CLEC1A: variants seen among roughly 807,000 people sequenced by gnomAD.
The protein encoded by CLEC1A is C-type lectin domain family 1 member A, also known as C-type lectin-like receptor-1.
In CLEC1A, 34 loss-of-function variants were observed where a neutral mutation model predicts 28.7. That is an observed-to-expected ratio of 1.18 (90% CI 0.90 to 1.57). The LOEUF is 1.57. Among genes scored for constraint, CLEC1A ranks in the 40% most tolerant of loss-of-function variants. CLEC1A has a pLI of 0.00. For missense variants in CLEC1A, 385 were observed against 339.5 expected (o/e 1.13, Z -1.05); for synonymous variants, 116 against 121.0 (o/e 0.96, Z 0.27).
chr12:10,074,451 G>T (rs1866208018), intron 4 of CLEC1A, among the ~76,000 whole-genome samples: 1 of 152,034 alleles, frequency 6.6e-6, no homozygotes, highest in African/African-American at 2.4e-5. Flanking sequence ...ATATGAAAAA[G>T]ATTTAAATAT....
chr12:10,096,127 C>T (rs1591924684), intron 1 of CLEC1A, among the ~76,000 whole-genome samples: 3 of 152,234 alleles, frequency 2.0e-5, no homozygotes, highest in Admixed American at 6.5e-5. Flanking sequence ...GTCTATGTAG[C>T]CCAACCCACA....
rs184095934 is a variant in CLEC1A, at chr12:10,078,243, G to T, written c.392-2588C>A. ...AAAACCCCATAATTAATCCTCATCT[G>T]CTCAAAATAGTAGCCAAATCTCTCA... On this transcript the variant is annotated intron_variant, in intron 3 of 5. Coordinates refer to ENST00000315330, the MANE Select transcript of CLEC1A (RefSeq NM_016511.4). 2.6e-3 allele frequency among the ~76,000 whole-genome samples: 390 copies of T among 152,180 alleles called. 2 individuals carry two copies. The highest frequency in any genetic ancestry group is 4.1e-3 in the Non-Finnish European group (281 of 68,010).
At position 10,096,009 on chromosome 12, in the gene CLEC1A, A is replaced by C. The variant is rs374624895; in HGVS notation, c.115+2799T>G. On this transcript the variant is annotated intron_variant, in intron 1 of 5. Coordinates refer to ENST00000315330, the MANE Select transcript of CLEC1A (RefSeq NM_016511.4). ...TCATTTTACATTCCTTCCCTCAGTG[A>C]TCTCACTCACTCTCATACATTTTAG... is the stretch of plus-strand genomic sequence containing the variant. Among the ~76,000 whole-genome samples the C allele has an allele frequency of 7.8e-4, 118 of 151,776 alleles. 1 individual carries two copies. The South Asian group carries it at 0.025, about 32-fold the overall frequency.
At position 10,086,505 on chromosome 12, in the gene CLEC1A, C is replaced by T. The variant is rs531435964; in HGVS notation, c.214+2619G>A. The stretch of plus-strand genomic sequence containing the variant: ...CAAATAACCTCAATTACAAATGAAA[C>T]GGGAGATGTTCCAACTGATGCCACA... On this transcript the variant is annotated intron_variant, in intron 2 of 5. Transcript: ENST00000315330. Among the ~76,000 whole-genome samples, 7 of 151,926 alleles carry T rather than the reference C, an allele frequency of 4.6e-5. No homozygotes were observed. In the South Asian group the frequency reaches 6.2e-4, roughly 14 times the overall value.
At chr12:10,085,946 G>A (rs1395452992) in intron 2 of CLEC1A, among the ~76,000 whole-genome samples, 1 of 152,136 alleles carries the variant, frequency 6.6e-6, no homozygotes, top group Non-Finnish European at 1.5e-5. Context: ...CACAAAAAAA[G>A]TCTCTATAAA....
chr12:10,086,453 G>A (rs1048519905), intron 2 of CLEC1A, among the ~76,000 whole-genome samples: 6 of 151,558 alleles, frequency 4.0e-5, no homozygotes, highest in African/African-American at 7.3e-5. Context: ...ACGTTAGCAA[G>A]GTTAATCAAG....
At chr12:10,094,924 T>C (rs1174170837) in intron 1 of CLEC1A, among the ~76,000 whole-genome samples, 7 of 152,292 alleles carry the variant, frequency 4.6e-5, no homozygotes, top group Admixed American at 1.3e-4. Flanking sequence ...GTCCAGATCA[T>C]GTCACTTCCT....
chr12:10,095,884 C>T (rs957871424), intron 1 of CLEC1A, among the ~76,000 whole-genome samples: 2 of 152,142 alleles, frequency 1.3e-5, no homozygotes, highest in African/African-American at 2.4e-5. Context: ...GCTATTCATC[C>T]CTGGTAGCTC....
intron 1 of CLEC1A, among the ~76,000 whole-genome samples, chr12:10,097,742 C>G (rs1947796079): frequency 6.6e-6 from 1 of 152,122 alleles, no homozygotes; most frequent in Admixed American, 6.5e-5. Context: ...CTACTCAAAA[C>G]CACAGCCGTA....
At chr12:10,081,053 C>T (rs7980801) in intron 3 of CLEC1A, among the ~76,000 whole-genome samples, 184 bp downstream of exon 3, 114,310 of 151,540 alleles carry the variant, frequency 0.75, 44,758 homozygotes, top group Non-Finnish European at 0.88. Context: ...TCCCTTGATG[C>T]ATGGTATCAC....
At chr12:10,080,260 C>G (rs901241611) in intron 3 of CLEC1A, among the ~76,000 whole-genome samples, 4 of 152,098 alleles carry the variant, frequency 2.6e-5, no homozygotes, top group Non-Finnish European at 2.9e-5. Context: ...TTGCAGCAAG[C>G]CGAGATCGTG....
At chr12:10,081,455 T>C (rs1224111348) in intron 2 of CLEC1A, 42 bp from the exon 3 acceptor site, 1 of 1,489,668 alleles carries the variant, frequency 6.7e-7, no homozygotes, top group Non-Finnish European at 9.0e-7. Context: ...CTTATTTCTA[T>C]GTTTTATTTC....
At chr12:10,074,866 C>G (rs1173804231) in intron 4 of CLEC1A, among the ~76,000 whole-genome samples, 1 of 152,176 alleles carries the variant, frequency 6.6e-6, no homozygotes, top group South Asian at 2.1e-4. Flanking sequence ...AGAAAAATCT[C>G]TGCTAAATTC....
At chr12:10,079,205 G>A (rs1305838555) in intron 3 of CLEC1A, among the ~76,000 whole-genome samples, 1 of 152,102 alleles carries the variant, frequency 6.6e-6, no homozygotes, top group African/African-American at 2.4e-5. Flanking sequence ...GCATCAGTAG[G>A]CATTCAGTAA....
chr12:10,073,310 G>C lies in CLEC1A; in HGVS notation c.645C>G (p.Thr215=), dbSNP rs748614925. The part of the protein sequence containing the change: ...SGKAWLWMDG[T]PFTSELFHII... ...AGGCTTACAGTTCAGAAGTGAAAGG[G>C]GTTCCATCCATCCACAGCCAGGCCT... Residue 215 remains threonine, a synonymous_variant, in exon 5 of 6, where the codon ACC becomes ACG. Transcript: ENST00000315330. 2.5e-6 allele frequency: 4 copies of C among 1,611,282 alleles called. No homozygotes were observed. In the Admixed American group the frequency reaches 5.0e-5, roughly 20 times the overall value.
chr12:10,083,914 C>A (rs921894651), intron 2 of CLEC1A, among the ~76,000 whole-genome samples: 1 of 151,734 alleles, frequency 6.6e-6, no homozygotes, highest in African/African-American at 2.4e-5. Flanking sequence ...AAGGTTTCAA[C>A]AATAGACTAG....
intron 2 of CLEC1A, among the ~76,000 whole-genome samples, chr12:10,083,297 CA>C (rs1317849410): frequency 6.6e-6 from 1 of 152,272 alleles, no homozygotes; most frequent in East Asian, 1.9e-4. Context: ...GGTAATATGA[CA>C]AAACAGGATT....
At chr12:10,087,151 G>A (rs1459078719) in intron 2 of CLEC1A, among the ~76,000 whole-genome samples, 1 of 143,598 alleles carries the variant, frequency 7.0e-6, no homozygotes, top group Non-Finnish European at 1.5e-5. Context: ...GTTGCAGTGA[G>A]CCGAGATCAT....
At chr12:10,081,596 A>ATTTTTTTTTTTTTTTTTTTTTTT (rs1195355894) in intron 2 of CLEC1A, among the ~76,000 whole-genome samples, 183 bp from the exon 3 acceptor site, 1 of 141,436 alleles carries the variant, frequency 7.1e-6, no homozygotes, top group African/African-American at 2.6e-5. Context: ...GGGCAAATTA[A>ATTTTTTTTTTTTTTTTTTTTTTT]TTTCTTTAAG....
Sources: gnomAD v4.1 joint callset for allele counts (sites outside exome capture counted in the v4.1 genomes callset) on GRCh38, gnomAD v4.1.1 for gene constraint, MANE v1.5 for transcripts, NCBI Gene and HGNC (gene_info 2026-07-23, HGNC 2026-07-21) for gene names.